Variants in NRP1 observed in about 807,000 individuals in gnomAD.
NRP1 encodes neuropilin-1.
A neutral mutation model predicts 106.7 loss-of-function variants in NRP1; 35 were observed. The ratio of observed to expected loss-of-function variants is 0.33; its 90% CI spans 0.25 to 0.43. NRP1 has a LOEUF of 0.43. NRP1 is among the 20% of genes least tolerant of loss of function. The pLI is 1.00. For synonymous variants in NRP1, 437 were observed against 417.9 expected (o/e 1.05, Z -0.56); for missense variants, 1,024 against 1,170.4 (o/e 0.87, Z 1.83).
At chr10:33,197,731 A>C (rs373576037) in intron 11 of NRP1, 22 bp from the exon 12 acceptor site, 54 of 1,505,082 alleles carry the variant, frequency 3.6e-5, no homozygotes, top group Non-Finnish European at 4.9e-5. Context: ...AAACAGGAAC[A>C]TGCAAAAATA....
intron 2 of NRP1, among the ~76,000 whole-genome samples, chr10:33,319,336 T>TAAAATGCACCAATCAGTGCTCTGTA (rs1847285255): frequency 6.6e-6 from 1 of 151,938 alleles, no homozygotes; most frequent in East Asian, 1.9e-4. Flanking sequence ...AAGAGGTTTG[T>TAAAATGCACCAATCAGTGCTCTGTA]AAAATGCACC....
chr10:33,306,097 C>G (rs575619063), intron 2 of NRP1, among the ~76,000 whole-genome samples: 2 of 152,244 alleles, frequency 1.3e-5, no homozygotes, highest in South Asian at 4.2e-4. Context: ...AATTTTCACT[C>G]CAGCTGTCAT....
At chr10:33,193,712 ATCTCGCCT>A (rs1836576434) in intron 12 of NRP1, among the ~76,000 whole-genome samples, 1 of 152,236 alleles carries the variant, frequency 6.6e-6, no homozygotes. Context: ...TTAACAAAGT[ATCTCGCCT>A]TCTGCTCTGA....
intron 2 of NRP1, among the ~76,000 whole-genome samples, chr10:33,279,088 G>A (rs1843920473): frequency 6.6e-6 from 1 of 152,226 alleles, no homozygotes; most frequent in Non-Finnish European, 1.5e-5. Flanking sequence ...CATGGGTGAT[G>A]GTTAGTCAAG....
chr10:33,182,843 A>ACACACACACC, intron 15 of NRP1, 95 bp from the exon 16 acceptor site: 1 of 798,508 alleles, frequency 1.3e-6, no homozygotes, highest in Non-Finnish European at 2.2e-6. Context: ...GCACACACAC[A>ACACACACACC]CACACACACA....
chr10:33,215,945 C>T (rs1285643589), intron 8 of NRP1, among the ~76,000 whole-genome samples: 1 of 152,130 alleles, frequency 6.6e-6, no homozygotes, highest in Non-Finnish European at 1.5e-5. Flanking sequence ...AGTTTGGGAG[C>T]TTTCTTTCTG....
intron 1 of NRP1, 39 bp downstream of exon 1, chr10:33,334,271 G>A (rs1278110240): frequency 2.6e-6 from 4 of 1,527,522 alleles, no homozygotes; most frequent in Middle Eastern, 2.3e-4. Context: ...GCTGGGAGCC[G>A]GGGCGCCGCT....
intron 13 of NRP1, among the ~76,000 whole-genome samples, chr10:33,190,989 A>G (rs968338626): frequency 2.0e-5 from 3 of 151,734 alleles, no homozygotes; most frequent in Admixed American, 6.6e-5. Flanking sequence ...AGCTGGGACT[A>G]CAAGTGTGCG....
At chr10:33,314,044 T>C (rs7475396) in intron 2 of NRP1, among the ~76,000 whole-genome samples, 3 of 142,230 alleles carry the variant, frequency 2.1e-5, no homozygotes, top group South Asian at 5.1e-4. Flanking sequence ...CTCTCTCTCT[T>C]TCTTTCTTTC....
intron 9 of NRP1, among the ~76,000 whole-genome samples, chr10:33,210,956 A>G (rs1195877021): frequency 6.6e-6 from 1 of 152,212 alleles, no homozygotes; most frequent in Non-Finnish European, 1.5e-5. Flanking sequence ...AGGGTGTGTT[A>G]AGGAATCATA....
Position 33,228,405 on chromosome 10 carries a change from A to G in NRP1, c.982-2116T>C, listed in dbSNP as rs541934977. ...AATAAAATAAAAATAAAATAAAACA[A>G]AACAAATAAAAAAAGCCAACCCCCT... On this transcript the variant is annotated intron_variant, in intron 6 of 16. Transcript: ENST00000374867. Among the ~76,000 whole-genome samples the G allele has an allele frequency of 7.9e-4, 121 of 152,264 alleles. 1 individual carries two copies. The highest frequency in any genetic ancestry group is 2.7e-3 in the African/African-American group (114 of 41,556).
intron 6 of NRP1, among the ~76,000 whole-genome samples, chr10:33,230,672 C>T (rs756819599): frequency 6.6e-6 from 1 of 151,232 alleles, no homozygotes; most frequent in African/African-American, 2.4e-5. Context: ...ACAACTTATC[C>T]GCCCTAGAAG....
chr10:33,222,067 T>C (rs1839289690), intron 7 of NRP1, among the ~76,000 whole-genome samples: 1 of 152,138 alleles, frequency 6.6e-6, no homozygotes, highest in South Asian at 2.1e-4. Flanking sequence ...TAATCATCGA[T>C]TCAATTTTCT....
intron 2 of NRP1, among the ~76,000 whole-genome samples, chr10:33,326,492 T>C (rs1847897983): frequency 6.6e-6 from 1 of 152,188 alleles, no homozygotes; most frequent in African/African-American, 2.4e-5. Context: ...CCTTCTTCGG[T>C]CAGAGCATTC....
At chr10:33,308,933 G>A (rs1846368685) in intron 2 of NRP1, among the ~76,000 whole-genome samples, 4 of 152,040 alleles carry the variant, frequency 2.6e-5, no homozygotes, top group Admixed American at 2.0e-4. Flanking sequence ...TTTAATTTAT[G>A]AAAATGTTAG....
chr10:33,230,452 C>G (rs775367883), intron 6 of NRP1, among the ~76,000 whole-genome samples: 1 of 152,182 alleles, frequency 6.6e-6, no homozygotes, highest in Non-Finnish European at 1.5e-5. Context: ...GCAGGAGATA[C>G]ATTTCCTTTT....
At chr10:33,213,889 C>T in intron 8 of NRP1, 172 bp from the exon 9 acceptor site, 1 of 600,350 alleles carries the variant, frequency 1.7e-6, no homozygotes, top group Non-Finnish European at 2.8e-6. Flanking sequence ...CTTCCTCCTG[C>T]TCTGTCAGAA....
At chr10:33,276,228 A>G (rs866176516) in intron 2 of NRP1, among the ~76,000 whole-genome samples, 3 of 152,352 alleles carry the variant, frequency 2.0e-5, no homozygotes, top group Middle Eastern at 6.8e-3. Context: ...AAATAAACAA[A>G]TCAATACCTG....
At chr10:33,294,758 G>A (rs556161436) in intron 2 of NRP1, among the ~76,000 whole-genome samples, 21 of 152,302 alleles carry the variant, frequency 1.4e-4, no homozygotes, top group South Asian at 2.1e-4. Context: ...TTCACCAGGC[G>A]TAAGGGAACC....
Sources: gnomAD v4.1 joint callset for allele counts (sites outside exome capture counted in the v4.1 genomes callset) on GRCh38, gnomAD v4.1.1 for gene constraint, MANE v1.5 for transcripts, NCBI Gene and HGNC (gene_info 2026-07-23, HGNC 2026-07-21) for gene names.